The following FNTB variants were observed in gnomAD, a reference collection of about 807,000 sequenced individuals.
FNTB encodes the protein farnesyltransferase, CAAX box, subunit beta, also known as protein farnesyltransferase subunit beta.
In FNTB, 27 loss-of-function variants were observed where a neutral mutation model predicts 59.4. That is an observed-to-expected ratio of 0.45 (90% confidence interval 0.34 to 0.63). The LOEUF is 0.63. Among genes scored for constraint, FNTB ranks in the 20% least tolerant of loss-of-function variants. The probability of loss-of-function intolerance (pLI) is 0.02; values close to 1 mark genes in which losing one functional copy is unlikely to be tolerated. For missense variants in FNTB, 449 were observed against 559.6 expected (o/e 0.80, Z 1.99); for synonymous variants, 230 against 220.7 (o/e 1.04, Z -0.37).
At chr14:64,989,780 A>C (rs1888117455) in intron 1 of FNTB, among the ~76,000 whole-genome samples, 1 of 152,236 alleles carries the variant, frequency 6.6e-6, no homozygotes, top group African/African-American at 2.4e-5. Context: ...AAAAGAGGCC[A>C]AGTTGATGCC....
chr14:65,034,507 G>A (rs1850917399), intron 7 of FNTB, among the ~76,000 whole-genome samples: 1 of 152,180 alleles, frequency 6.6e-6, no homozygotes, highest in Admixed American at 6.5e-5. Flanking sequence ...TGTAAGCATT[G>A]CTTCATTATC....
chr14:65,014,738 C>T lies in FNTB; in HGVS notation c.283-887C>T, dbSNP rs148951785. On this transcript the variant is annotated intron_variant, in intron 3 of 11. Transcript: ENST00000246166. This position sits in a 1 kb window ranked among gnomAD's most constrained non-coding sequence, Gnocchi z 5.1. ...CTGAGGTGGGAGGATTGCTTGAGCC[C>T]GGGAGGTTGAGGCTGCAGTGAGCTG... Among the ~76,000 whole-genome samples, 110 of 152,172 alleles carry T rather than the reference C, an allele frequency of 7.2e-4. 2 individuals are homozygous for T. In the East Asian group the frequency reaches 0.018, roughly 25 times the overall value.
chr14:64,988,591 C>T (rs1321308232), intron 1 of FNTB, among the ~76,000 whole-genome samples: 2 of 151,908 alleles, frequency 1.3e-5, no homozygotes, highest in Non-Finnish European at 2.9e-5. Flanking sequence ...CCCACCACCA[C>T]GCCTGGCTAA....
intron 1 of FNTB, chr14:65,003,191 C>T (rs1183588266): frequency 6.6e-6 from 1 of 152,146 alleles, no homozygotes; most frequent in African/African-American, 2.4e-5. Flanking sequence ...TTTTATGGGA[C>T]TGTGGAGTCC....
At chr14:65,061,084 A>G in intron 11 of FNTB, 97 bp from the exon 12 acceptor site, 13 of 1,543,522 alleles carry the variant, frequency 8.4e-6, no homozygotes, top group Non-Finnish European at 1.1e-5. Flanking sequence ...GATTCCTTAT[A>G]CTAAATTCTT....
At chr14:65,003,251 A>T (rs1162795552) in intron 1 of FNTB, 2 of 152,208 alleles carry the variant, frequency 1.3e-5, no homozygotes, top group Non-Finnish European at 2.9e-5. Flanking sequence ...TGTTTCAACA[A>T]TTGATGTTGT....
intron 4 of FNTB, among the ~76,000 whole-genome samples, chr14:65,019,996 ACCT>A (rs2061855867): frequency 6.6e-6 from 1 of 152,164 alleles, no homozygotes; most frequent in African/African-American, 2.4e-5. Context: ...TATTAAGGTG[ACCT>A]AGAGTCAAAA....
At chr14:65,002,024 CT>C (rs1201573695) in intron 1 of FNTB, among the ~76,000 whole-genome samples, 2 of 152,332 alleles carry the variant, frequency 1.3e-5, no homozygotes, top group African/African-American at 4.8e-5. Flanking sequence ...CACTGCTCCC[CT>C]CATCATCACA....
At chr14:64,987,162 A>T (rs147892702) in intron 1 of FNTB, 65 bp downstream of exon 1, 3 of 1,590,106 alleles carry the variant, frequency 1.9e-6, no homozygotes, top group Non-Finnish European at 2.6e-6. Flanking sequence ...TCCCGTTCGT[A>T]GGGCCGCCCG....
At position 65,054,806 on chromosome 14, in the gene FNTB, TC is replaced by T; in HGVS notation, c.1182+120del. 8.8e-7 allele frequency: 1 copy of T among 1,140,526 alleles called. No individual in the cohort carries two copies. Among genetic ancestry groups the T allele is most frequent in the African/African-American group, 1.5e-5 (1 of 65,188 alleles). 70.7% of individuals were successfully genotyped at this position (1,140,526 alleles called of 1,614,324 possible). ...TGTGTGGACAGGCGGAAGCTTGTGG[TC>T]CCTCTGCCCTTCGAGCTGTGCAGCC... On this transcript the variant is annotated intron_variant, in intron 11 of 11. Transcript: ENST00000246166. The surrounding 1 kb of genome is among the most constrained non-coding windows in gnomAD (Gnocchi z 4.4).
rs1359936456 is a variant in FNTB at position 64,987,124 on chromosome 14, C to T, written c.144+27C>T. On this transcript the variant is annotated intron_variant, in intron 1 of 11. Transcript: ENST00000246166. ...TGAGGTGGCAGGACTGGGCGAGGCG[C>T]CCGCGCGATGTGTTCTGGGAGCGCG... 10 of 1,613,482 alleles carry T rather than the reference C, an allele frequency of 6.2e-6. No individual in the cohort carries two copies. In the Admixed American group the frequency reaches 8.3e-5, roughly 13 times the overall value.
chr14:65,004,222 C>G, intron 1 of FNTB, 27 bp from the exon 2 acceptor site: 4 of 1,605,978 alleles, frequency 2.5e-6, no homozygotes, highest in South Asian at 2.2e-5. Flanking sequence ...TTTGTTTTCT[C>G]TCTCCTATCT....
In FNTB at chr14:65,061,163, CT is replaced by C. The variant is rs766294171; in HGVS notation, c.1183-14del. On this transcript the variant is annotated splice_polypyrimidine_tract_variant and intron_variant, in intron 11 of 11. Transcript: ENST00000246166. ...GACCACCGGGGTGATTAACTGGCAC[CT>C]TTTCTTCTCTTTGCAGCAGCCCACT... 3.1e-6 allele frequency: 5 copies of C among 1,613,282 alleles called. No individual in the cohort carries two copies. Among genetic ancestry groups the C allele is most frequent in the Non-Finnish European group, 4.2e-6 (5 of 1,179,530 alleles).
chr14:65,053,940 G>T (rs991296737), intron 10 of FNTB, among the ~76,000 whole-genome samples: 6 of 152,160 alleles, frequency 3.9e-5, no homozygotes, highest in African/African-American at 1.4e-4. Flanking sequence ...TTCTAGAGAA[G>T]TGTATCAATT....
In FNTB at chr14:65,023,190, C is replaced by T. The variant is rs1444036068; in HGVS notation, c.375-4263C>T. Among the ~76,000 whole-genome samples the T allele has an allele frequency of 6.6e-6, 1 of 152,146 alleles. No homozygotes were observed. Among genetic ancestry groups the T allele is most frequent in the African/African-American group, 2.4e-5 (1 of 41,402 alleles). Reference sequence around the variant, plus strand: ...CCTCCCACCTCAGCCTCCTGAGTAGCTGGGGCTAGAGGTGGGTGCCAACGT... The same window carrying T: ...CCTCCCACCTCAGCCTCCTGAGTAGTTGGGGCTAGAGGTGGGTGCCAACGT... On this transcript the variant is annotated intron_variant, in intron 4 of 11. Transcript: ENST00000246166. This position sits in a 1 kb window ranked among gnomAD's most constrained non-coding sequence, Gnocchi z 4.1.
chr14:65,015,453 C>A, intron 3 of FNTB, 172 bp from the exon 4 acceptor site: 1 of 310,004 alleles, frequency 3.2e-6, no homozygotes, highest in Non-Finnish European at 5.9e-6. Flanking sequence ...GTCATTTCAG[C>A]TCCTGGCTAA....
intron 4 of FNTB, among the ~76,000 whole-genome samples, chr14:65,025,928 C>A (rs545137153): frequency 6.6e-6 from 1 of 152,212 alleles, no homozygotes; most frequent in African/African-American, 2.4e-5. Context: ...GTTGTTTTAA[C>A]CTGTGACGTT....
In FNTB at chr14:65,044,728, T is replaced by TA. The variant is rs1303317332; in HGVS notation, c.955+286dup. ...GAGGAAGTGGGCGCTGCTTCTGCGT[T>TA]ATCTGGAAGGAGCAGCCCACTCCTG... On this transcript the variant is annotated intron_variant, in intron 9 of 11. Coordinates refer to ENST00000246166, the MANE Select transcript of FNTB (RefSeq NM_002028.4). This position sits in a 1 kb window ranked among gnomAD's most constrained non-coding sequence, Gnocchi z 5.5. 4 of 432,322 alleles carry TA rather than the reference T, an allele frequency of 9.3e-6. No homozygotes were observed. The highest frequency in any genetic ancestry group is 8.4e-5 in the African/African-American group (4 of 47,794). The allele number at this position is 432,322 out of a possible 1,614,324, so 26.8% of individuals were successfully genotyped here. A position where few individuals can be genotyped will look rare whatever the true frequency, so the allele number is the denominator to read the frequency against.
Position 65,005,517 on chromosome 14 carries a change from CTCTCTT to C in FNTB, c.209+1220_209+1225del, listed in dbSNP as rs1340043723. 5.0e-3 allele frequency among the ~76,000 whole-genome samples: 673 copies of C among 135,782 alleles called. 9 individuals are homozygous for C. Among genetic ancestry groups the C allele is most frequent in the East Asian group, 0.041 (178 of 4,372 alleles). 89.1% of individuals were successfully genotyped at this position (135,782 alleles called of 152,430 possible). The stretch of plus-strand genomic sequence containing the variant: ...TCTTTCTTTCTTTCTTTCTTTCTCT[CTCTCTT>C]TCTCTTTCTCTTTCTTTCTCTCCTC... On this transcript the variant is annotated intron_variant, in intron 2 of 11. Coordinates refer to ENST00000246166, the MANE Select transcript of FNTB (RefSeq NM_002028.4).
Sources: gnomAD v4.1 joint callset for allele counts (sites outside exome capture counted in the v4.1 genomes callset) on GRCh38, gnomAD v4.1.1 for gene constraint, Gnocchi (gnomAD v3.1) non-coding constraint, MANE v1.5 for transcripts, NCBI Gene and HGNC (gene_info 2026-07-23, HGNC 2026-07-21) for gene names.